ENTREP2: variants seen among roughly 807,000 people sequenced by gnomAD.
The protein encoded by ENTREP2 is protein ENTREP2.
chr15:29,447,674 A>G, the ENTREP2 span, among the ~76,000 whole-genome samples: 1 of 145,644 alleles, frequency 6.9e-6, no homozygotes, highest in East Asian at 2.0e-4. Flanking sequence ...TTTTTCGTAG[A>G]GATGGGGGTC....
At chr15:29,623,751 G>A in the ENTREP2 span, among the ~76,000 whole-genome samples, 1 of 152,174 alleles carries the variant, frequency 6.6e-6, no homozygotes, top group South Asian at 2.1e-4. Context: ...TGGGGCACAT[G>A]CATGAGCCTG....
At chr15:29,559,878 G>A in the ENTREP2 span, among the ~76,000 whole-genome samples, 6 of 152,154 alleles carry the variant, frequency 3.9e-5, no homozygotes, top group Non-Finnish European at 7.3e-5. Context: ...GGACTTCTCT[G>A]GGGGACCACA....
the ENTREP2 span, among the ~76,000 whole-genome samples, chr15:29,247,329 A>G: frequency 9.2e-5 from 14 of 152,212 alleles, no homozygotes; most frequent in Admixed American, 9.2e-4. Context: ...TGCCAATTCA[A>G]ATCTCAAATC....
chr15:29,137,093 G>C, the ENTREP2 span: 2 of 1,464,944 alleles, frequency 1.4e-6, no homozygotes, highest in Non-Finnish European at 1.8e-6. Flanking sequence ...GTGGAGGCGG[G>C]AGTGGGGGGA....
chr15:29,196,422 G>A, the ENTREP2 span: 1,065 of 1,549,720 alleles, frequency 6.9e-4, 14 homozygotes, highest in South Asian at 0.012. Flanking sequence ...AGCGCCCAGC[G>A]GGGTCACCTT....
At chr15:29,666,170 T>TG in the ENTREP2 span, among the ~76,000 whole-genome samples, 1 of 149,362 alleles carries the variant, frequency 6.7e-6, no homozygotes, top group Non-Finnish European at 1.5e-5. Flanking sequence ...TCGTCTTTTG[T>TG]GAAAAAAAAA....
the ENTREP2 span, among the ~76,000 whole-genome samples, chr15:29,156,887 G>A: frequency 2.6e-5 from 4 of 152,100 alleles, no homozygotes; most frequent in Non-Finnish European, 5.9e-5. Flanking sequence ...TTGAGGTCAG[G>A]AGTTCGAGAC....
chr15:29,654,016 T>C, the ENTREP2 span, among the ~76,000 whole-genome samples: 4 of 152,328 alleles, frequency 2.6e-5, no homozygotes, highest in African/African-American at 7.2e-5. Context: ...TTCAATCATG[T>C]GGATTGAACA....
chr15:29,420,654 C>G, the ENTREP2 span, among the ~76,000 whole-genome samples: 1 of 150,352 alleles, frequency 6.7e-6, no homozygotes, highest in East Asian at 1.9e-4. Flanking sequence ...AAGAAATAAA[C>G]AACCTAGAGG....
chr15:29,332,284 A>G, the ENTREP2 span, among the ~76,000 whole-genome samples: 1 of 152,194 alleles, frequency 6.6e-6, no homozygotes, highest in Non-Finnish European at 1.5e-5. Flanking sequence ...TCGTGACCCC[A>G]GTGTAACTCT....
chr15:29,370,286 C>G, the ENTREP2 span, among the ~76,000 whole-genome samples: 1 of 152,116 alleles, frequency 6.6e-6, no homozygotes, highest in Non-Finnish European at 1.5e-5. Flanking sequence ...AAATAATATA[C>G]TGTGCAAATG....
chr15:29,261,995 AG>A, the ENTREP2 span, among the ~76,000 whole-genome samples: 1 of 151,886 alleles, frequency 6.6e-6, no homozygotes, highest in South Asian at 2.1e-4. Context: ...TAAATCAAAA[AG>A]GGAAACAATA....
chr15:29,482,880 G>A, the ENTREP2 span, among the ~76,000 whole-genome samples: 1 of 152,192 alleles, frequency 6.6e-6, no homozygotes, highest in Admixed American at 6.5e-5. Flanking sequence ...TAGGCTCATA[G>A]GGTAAGAGTA....
chr15:29,187,998 C>A, the ENTREP2 span, among the ~76,000 whole-genome samples: 1 of 152,162 alleles, frequency 6.6e-6, no homozygotes, highest in Non-Finnish European at 1.5e-5. Context: ...ACATACTGGT[C>A]CAGGGATGGC....
At chr15:29,279,152 T>C in the ENTREP2 span, among the ~76,000 whole-genome samples, 1 of 152,186 alleles carries the variant, frequency 6.6e-6, no homozygotes, top group Admixed American at 6.5e-5. Context: ...GTTGAGTCTT[T>C]TGAATTCTGG....
At chr15:29,398,538 A>C in the ENTREP2 span, among the ~76,000 whole-genome samples, 1 of 152,076 alleles carries the variant, frequency 6.6e-6, no homozygotes, top group Non-Finnish European at 1.5e-5. Flanking sequence ...AGCCTGGCCA[A>C]CATGGTAAAA....
chr15:29,490,772 C>G, the ENTREP2 span, among the ~76,000 whole-genome samples: 1 of 152,222 alleles, frequency 6.6e-6, no homozygotes. Context: ...TAAAAGTTCT[C>G]CAAGTCCCCA....
At chr15:29,364,050 C>CT in the ENTREP2 span, among the ~76,000 whole-genome samples, 539 of 151,974 alleles carry the variant, frequency 3.5e-3, 6 homozygotes, top group African/African-American at 0.012. Flanking sequence ...TGGGAACCCT[C>CT]TTTTTTTTGA....
At chr15:29,613,051 C>T in the ENTREP2 span, among the ~76,000 whole-genome samples, 1 of 152,064 alleles carries the variant, frequency 6.6e-6, no homozygotes, top group East Asian at 1.9e-4. Context: ...GCACGTGGGC[C>T]CCATAAAAAG....
Sources: gnomAD v4.1 joint callset for allele counts (sites outside exome capture counted in the v4.1 genomes callset) on GRCh38, gnomAD v4.1.1 for gene constraint, MANE v1.5 for transcripts, NCBI Gene and HGNC (gene_info 2026-07-23, HGNC 2026-07-21) for gene names.